Variants in LINGO2 observed in about 807,000 individuals in gnomAD.
LINGO2 encodes the protein leucine-rich repeat and immunoglobulin-like domain-containing nogo receptor-interacting protein 2.
Under a neutral mutation model 30.6 loss-of-function variants are expected in LINGO2, and 14 were observed. The observed-to-expected ratio is 0.46, with a 90% confidence interval of 0.30 to 0.72. The LOEUF is 0.72. Ranked by LOEUF, LINGO2 falls within the 30% of genes least tolerant of loss-of-function variation. The probability of loss-of-function intolerance (pLI) is 0.07; values close to 1 mark genes in which losing one functional copy is unlikely to be tolerated. For synonymous variants in LINGO2, 317 were observed against 288.5 expected, an observed-to-expected ratio of 1.10 and a Z score of -1.00; for missense variants, 729 against 751.7, an observed-to-expected ratio of 0.97 and a Z score of 0.35.
chr9:28,515,321 C>T (rs915912192), intron 1 of LINGO2, among the ~76,000 whole-genome samples: 5 of 151,832 alleles, frequency 3.3e-5, no homozygotes, highest in African/African-American at 1.2e-4. Flanking sequence ...ATTCTCCTGC[C>T]TCAGCCTCCT....
chr9:27,981,418 A>T (rs775975264), intron 5 of LINGO2, among the ~76,000 whole-genome samples: 12 of 151,238 alleles, frequency 7.9e-5, no homozygotes, highest in Non-Finnish European at 1.2e-4. Context: ...CTTTGACACT[A>T]AAGTTCGTAT....
At chr9:28,278,474 C>G (rs1393788828) in intron 4 of LINGO2, among the ~76,000 whole-genome samples, 1 of 152,156 alleles carries the variant, frequency 6.6e-6, no homozygotes, top group African/African-American at 2.4e-5. Context: ...CAGCTGGTGA[C>G]TTTAAGTTGA....
intron 1 of LINGO2, among the ~76,000 whole-genome samples, chr9:28,535,487 C>G (rs1821397794): frequency 6.6e-6 from 1 of 151,828 alleles, no homozygotes; most frequent in Non-Finnish European, 1.5e-5. Context: ...GTAAAGGAAG[C>G]CTGATATATA....
the LINGO2 span, among the ~76,000 whole-genome samples, chr9:28,978,252 T>C: frequency 6.6e-6 from 1 of 152,144 alleles, no homozygotes; most frequent in Non-Finnish European, 1.5e-5. Context: ...GAATGTGAAA[T>C]CTGATGTTTT....
the LINGO2 span, among the ~76,000 whole-genome samples, chr9:28,979,688 A>T: frequency 1.3e-5 from 2 of 151,094 alleles, no homozygotes; most frequent in Non-Finnish European, 3.0e-5. Context: ...AAAAATCTAT[A>T]CATTGATGCT....
At chr9:28,332,401 G>T (rs764045398) in intron 3 of LINGO2, among the ~76,000 whole-genome samples, 29 of 152,100 alleles carry the variant, frequency 1.9e-4, no homozygotes, top group Non-Finnish European at 2.8e-4. Context: ...CACATGGAAG[G>T]TTTCTCTGGA....
chr9:28,855,936 T>A, the LINGO2 span, among the ~76,000 whole-genome samples: 8 of 152,172 alleles, frequency 5.3e-5, no homozygotes, highest in African/African-American at 1.9e-4. Context: ...ACAGTAGAGA[T>A]GTAGGCGGAC....
the LINGO2 span, among the ~76,000 whole-genome samples, chr9:29,098,333 AG>A: frequency 6.6e-6 from 1 of 152,174 alleles, no homozygotes; most frequent in Non-Finnish European, 1.5e-5. Flanking sequence ...AATTATGAAA[AG>A]TGCTAAACAG....
chr9:29,183,798 A>G, the LINGO2 span, among the ~76,000 whole-genome samples: 1 of 151,694 alleles, frequency 6.6e-6, no homozygotes, highest in African/African-American at 2.4e-5. Context: ...AAGATGTAGC[A>G]TCTCAACAGA....
chr9:28,041,780 A>G (rs1244883972), intron 4 of LINGO2, among the ~76,000 whole-genome samples: 4 of 152,210 alleles, frequency 2.6e-5, no homozygotes, highest in Non-Finnish European at 4.4e-5. Flanking sequence ...TTCCTTTTCC[A>G]TGACACCTTA....
intron 3 of LINGO2, among the ~76,000 whole-genome samples, chr9:28,345,644 A>C (rs1319019388): frequency 1.3e-5 from 2 of 152,204 alleles, no homozygotes; most frequent in African/African-American, 2.4e-5. Flanking sequence ...ACAAGTTTTA[A>C]ATGAATTTTA....
Position 28,221,456 on chromosome 9 carries a change from T to A in LINGO2, c.-87+73752A>T, listed in dbSNP as rs115372666. ...ATCATCATGTTTTACGCAGTAAATA[T>A]ATAATAAAAATACATTTGCTACTCC... On this transcript the variant is annotated intron_variant, in intron 4 of 5. Transcript: ENST00000379992. Among the ~76,000 whole-genome samples the A allele has an allele frequency of 3.5e-3, 532 of 152,140 alleles. 3 individuals are homozygous for A. The highest frequency in any genetic ancestry group is 0.012 in the African/African-American group (514 of 41,502).
the LINGO2 span, among the ~76,000 whole-genome samples, chr9:28,854,879 T>C: frequency 9.9e-5 from 15 of 151,994 alleles, no homozygotes; most frequent in Non-Finnish European, 2.1e-4. Flanking sequence ...GAGTTAGTAA[T>C]AGAAAATTGC....
chr9:29,083,793 AGGTACAAGTGATACACT>A, the LINGO2 span, among the ~76,000 whole-genome samples: 2 of 152,140 alleles, frequency 1.3e-5, no homozygotes, highest in Non-Finnish European at 2.9e-5. Context: ...TTAAGCATCT[AGGTACAAGTGATACACT>A]GGCCAAAAGC....
intron 1 of LINGO2, among the ~76,000 whole-genome samples, chr9:28,564,755 G>A (rs920808969): frequency 8.6e-5 from 13 of 152,014 alleles, no homozygotes; most frequent in African/African-American, 2.4e-4. Context: ...TGTTACCGGC[G>A]ATGTGTGTCA....
rs570278550 is a variant in LINGO2 at position 28,581,196 on chromosome 9, C to G, written c.-365+89004G>C. On this transcript the variant is annotated intron_variant, in intron 1 of 5. Coordinates refer to ENST00000379992, the Ensembl canonical transcript of LINGO2. ...TGGTTAGAGTCCATCTAATATATTC[C>G]TAGAAGTTTCTTACAGTAAGAAAAC... Among the ~76,000 whole-genome samples the G allele has an allele frequency of 1.6e-4, 25 of 151,858 alleles. No individual in the cohort carries two copies. In the South Asian group the frequency reaches 5.0e-3, roughly 30 times the overall value.
intron 1 of LINGO2, among the ~76,000 whole-genome samples, chr9:28,621,907 C>T (rs1826416075): frequency 1.3e-5 from 2 of 151,982 alleles, no homozygotes; most frequent in South Asian, 4.1e-4. Flanking sequence ...TCACCTGACA[C>T]TGAGACACAA....
the LINGO2 span, among the ~76,000 whole-genome samples, chr9:29,115,684 ACTATCAT>A: frequency 6.6e-6 from 1 of 152,046 alleles, no homozygotes; most frequent in Non-Finnish European, 1.5e-5. Context: ...AAGAACTAAA[ACTATCAT>A]TACATTTAAA....
chr9:28,562,426 C>T (rs1404287421), intron 1 of LINGO2, among the ~76,000 whole-genome samples: 1 of 74,898 alleles, frequency 1.3e-5, no homozygotes, highest in Non-Finnish European at 2.5e-5. Flanking sequence ...CAATATTCTT[C>T]AACAGGAAAT....
Sources: gnomAD v4.1 joint callset for allele counts (sites outside exome capture counted in the v4.1 genomes callset) on GRCh38, gnomAD v4.1.1 for gene constraint, MANE v1.5 for transcripts, NCBI Gene and HGNC (gene_info 2026-07-23, HGNC 2026-07-21) for gene names.